Variants in TBXT observed in about 807,000 individuals in gnomAD.
TBXT encodes the protein T-box transcription factor T.
A neutral mutation model predicts 41.1 loss-of-function variants in TBXT; 19 were observed. The observed-to-expected ratio is 0.46, with a 90% CI of 0.32 to 0.68. The LOEUF (loss-of-function observed/expected upper bound fraction) is 0.68, where lower values mean the gene tolerates loss of function less well. Among genes scored for constraint, TBXT ranks in the 30% least tolerant of loss-of-function variants. The probability of loss-of-function intolerance (pLI) is 0.03; values close to 1 mark genes in which losing one functional copy is unlikely to be tolerated. For missense variants in TBXT, 536 were observed against 582.0 expected (o/e 0.92, Z 0.81); for synonymous variants, 213 against 238.9 (o/e 0.89, Z 1.00).
At chr6:166,166,949 G>A (rs1779136748) in intron 1 of TBXT, 93 bp from the exon 2 acceptor site, 3 of 1,592,276 alleles carry the variant, frequency 1.9e-6, no homozygotes, top group Non-Finnish European at 2.6e-6. Flanking sequence ...TTATTTCGGG[G>A]CACAGAGGAG....
intron 7 of TBXT, among the ~76,000 whole-genome samples, chr6:166,159,336 G>A (rs936132094): frequency 2.0e-5 from 3 of 150,744 alleles, no homozygotes; most frequent in South Asian, 2.1e-4. Flanking sequence ...TGATTCTCAC[G>A]ATGAAGACCA....
intron 5 of TBXT, among the ~76,000 whole-genome samples, chr6:166,164,377 CAAAA>C (rs1779048639): frequency 6.6e-6 from 1 of 152,172 alleles, no homozygotes; most frequent in Non-Finnish European, 1.5e-5. Flanking sequence ...TGCCTCACGG[CAAAA>C]CAAAAGCACC....
chr6:166,165,985 G>T, intron 2 of TBXT, 145 bp from the exon 3 acceptor site: 1 of 1,234,608 alleles, frequency 8.1e-7, no homozygotes, highest in Non-Finnish European at 1.2e-6. Context: ...ACCAGGGGAG[G>T]CTTCTCCGCG....
At position 166,160,858 on chromosome 6, in the gene TBXT, G is replaced by A. The variant is rs117097130; in HGVS notation, c.1016C>T (p.Ala339Val). ...TTACCTGGAGCTGGTAGGTGGGCTG[G>A]CATTGTGGCTCACGGGGAGCATGCT... is the stretch of plus-strand genomic sequence containing the variant. ...HPSMLPVSHN[A>V]SPPTSSSQYP... Residue 339 changes from alanine (A) to valine (V), a missense_variant, in exon 7 of 8, where the codon GCC becomes GTC. Coordinates refer to ENST00000366876, the MANE Select transcript of TBXT (RefSeq NM_001366285.2). The A allele has an allele frequency of 6.1e-3, 9,915 of 1,614,114 alleles. 40 individuals carry two copies. Among genetic ancestry groups the A allele is most frequent in the Non-Finnish European group, 7.2e-3 (8,449 of 1,180,006 alleles).
intron 6 of TBXT, among the ~76,000 whole-genome samples, chr6:166,162,186 C>T (rs1474087836): frequency 6.6e-6 from 1 of 152,236 alleles, no homozygotes; most frequent in Non-Finnish European, 1.5e-5. Context: ...CTGTCATTTT[C>T]AAAACCTGGA....
chr6:166,167,992 C>A (rs1052865615), upstream of TBXT: 2 of 279,672 alleles, frequency 7.2e-6, no homozygotes, highest in Non-Finnish European at 1.4e-5. Context: ...CCCAGCCGGG[C>A]GGGTCTGGGA....
rs1168324450 is a variant in TBXT, at chr6:166,167,608, C to T, written c.-17G>A. 6.5e-7 allele frequency: 1 copy of T among 1,543,452 alleles called. No homozygotes were observed. The highest frequency in any genetic ancestry group is 1.4e-5 in the African/African-American group (1 of 73,296). On this transcript the variant is annotated 5_prime_UTR_variant, in exon 1 of 8. Transcript: ENST00000366876. ...GGAGCTCATCCTCCCGTCCGGCTCC[C>T]CTCCCCGCCGTCCCCGAAGCCCAGA...
chr6:166,167,751 G>A lies in TBXT; in HGVS notation c.-160C>T, dbSNP rs1779174716. 1 of 875,254 alleles carries A rather than the reference G, an allele frequency of 1.1e-6. No individual in the cohort carries two copies. The highest frequency in any genetic ancestry group is 1.7e-5 in the African/African-American group (1 of 59,038). The allele number at this position is 875,254 out of a possible 1,614,324, so 54.2% of individuals were successfully genotyped here. A position where few individuals can be genotyped will look rare whatever the true frequency, so the allele number is the denominator to read the frequency against. Reference sequence around the variant, plus strand: ...CCCGGGTCCCGGCACAGACCCGGGAGGAGGGCGCGGACCAAGACTTGGGGG... The same window carrying A: ...CCCGGGTCCCGGCACAGACCCGGGAAGAGGGCGCGGACCAAGACTTGGGGG... On this transcript the variant is annotated 5_prime_UTR_variant, in exon 1 of 8. Transcript: ENST00000366876.
chr6:166,160,233 T>C (rs1778911618), intron 7 of TBXT, among the ~76,000 whole-genome samples: 1 of 152,220 alleles, frequency 6.6e-6, no homozygotes, highest in African/African-American at 2.4e-5. Flanking sequence ...TGTAAGCCTT[T>C]TTCCCTCTGC....
At chr6:166,162,398 G>T in intron 6 of TBXT, 49 bp downstream of exon 6, 1 of 1,607,484 alleles carries the variant, frequency 6.2e-7, no homozygotes, top group South Asian at 1.1e-5. Context: ...TCCCAAAGTG[G>T]TCTTGCAGCC....
rs1322722719 is a variant in TBXT, at chr6:166,164,651, C to G, written c.684G>C (p.Glu228Asp). ...LDAKERSDHK[E>D]MMEEPGDSQQ... ...GGCTGTCTCCGGGTTCCTCCATCAT[C>G]TCTTTGTGATCACTTCTATCAAAAT... The change falls in exon 5 of 8, where the codon GAG becomes GAC. Residue 228 changes from glutamate to aspartate, a missense_variant. By Grantham distance (45) the Glu-to-Asp change is conservative. Coordinates refer to ENST00000366876, the MANE Select transcript of TBXT (RefSeq NM_001366285.2). 1 of 1,613,736 alleles carries G rather than the reference C, an allele frequency of 6.2e-7. No homozygotes were observed. The highest frequency in any genetic ancestry group is 1.3e-5 in the African/African-American group (1 of 74,776).
At chr6:166,159,979 A>T (rs953731558) in intron 7 of TBXT, among the ~76,000 whole-genome samples, 7 of 152,100 alleles carry the variant, frequency 4.6e-5, no homozygotes, top group Admixed American at 4.6e-4. Flanking sequence ...TTATGAAGGA[A>T]CTGTTTTCTA....
Position 166,166,507 on chromosome 6 carries a change from C to A in TBXT, c.471+85G>T, listed in dbSNP as rs188417233. On this transcript the variant is annotated intron_variant, in intron 2 of 7. Coordinates refer to ENST00000366876, the MANE Select transcript of TBXT (RefSeq NM_001366285.2). Reference sequence around the variant, plus strand: ...CAGACGTCGCCTCCCGTTCAAGCAGCGTCCCTTCCCACAACCCCCGTGCAG... The same window carrying A: ...CAGACGTCGCCTCCCGTTCAAGCAGAGTCCCTTCCCACAACCCCCGTGCAG... The A allele has an allele frequency of 2.4e-4, 383 of 1,599,838 alleles. 3 individuals carry two copies. The East Asian group carries it at 8.0e-3, about 33-fold the overall frequency.
rs775393090 is a variant in TBXT at position 166,161,004 on chromosome 6, T to C, written c.908-38A>G. ...GGTAACAAAGTGCAATTATAGATGG[T>C]GTCTTCCAAGAACAACAAAGTACAG... On this transcript the variant is annotated intron_variant, in intron 6 of 7. Coordinates refer to ENST00000366876, the MANE Select transcript of TBXT (RefSeq NM_001366285.2). 2.5e-6 allele frequency: 4 copies of C among 1,612,304 alleles called. 1 individual carries two copies. In the South Asian group the frequency reaches 4.4e-5, roughly 18 times the overall value.
intron 3 of TBXT, among the ~76,000 whole-genome samples, chr6:166,165,266 T>C (rs756939560): frequency 2.0e-5 from 3 of 152,050 alleles, no homozygotes; most frequent in Non-Finnish European, 4.4e-5. Context: ...GGCTTAGGCA[T>C]AGATTTACAG....
chr6:166,162,519 T>C lies in TBXT; in HGVS notation c.835A>G (p.Arg279Gly), dbSNP rs1297163670. 1.2e-6 allele frequency: 2 copies of C among 1,614,116 alleles called. No homozygotes were observed. Among genetic ancestry groups the C allele is most frequent in the Admixed American group, 3.3e-5 (2 of 60,010 alleles). ...LSLPSTHSCD[R>G]YPTLRSHRSS... ...CGGTGGCTCCTCAGGGTTGGGTACC[T>C]GTCACAGCTGTGCGTGGAGGGGAGG... The change falls in exon 6 of 8, where the codon AGG becomes GGG. Residue 279 changes from arginine to glycine, a missense_variant. Arg to Gly is a moderately radical substitution (Grantham distance 125, BLOSUM62 -2). Transcript: ENST00000366876.
intron 7 of TBXT, among the ~76,000 whole-genome samples, chr6:166,158,872 C>T (rs1174418824): frequency 6.6e-6 from 1 of 152,302 alleles, no homozygotes; most frequent in South Asian, 2.1e-4. Context: ...TTAAGTTTCA[C>T]TGCGAAAGAC....
intron 7 of TBXT, 103 bp downstream of exon 7, chr6:166,160,734 G>A (rs528709886): frequency 2.6e-6 from 4 of 1,536,332 alleles, no homozygotes; most frequent in Non-Finnish European, 3.6e-6. Flanking sequence ...CACCCACAGG[G>A]ACCAAGGAGA....
In TBXT at chr6:166,159,858, G is replaced by A. The variant is rs193063064; in HGVS notation, c.1037+979C>T. 1.2e-4 allele frequency among the ~76,000 whole-genome samples: 19 copies of A among 152,306 alleles called. No individual in the cohort carries two copies. The East Asian group carries it at 2.1e-3, about 17-fold the overall frequency. ...CCTCTGTCAACAGCTTGCAGTGTGC[G>A]GGTCATCTGATCGGGTGCAGGCTTC... On this transcript the variant is annotated intron_variant, in intron 7 of 7. Transcript: ENST00000366876.
Sources: allele counts gnomAD v4.1 joint callset (sites outside exome capture counted in the v4.1 genomes callset), GRCh38; gene constraint gnomAD v4.1.1; transcripts MANE v1.5; gene names NCBI Gene and HGNC (gene_info 2026-07-23, HGNC 2026-07-21).